KIF3B: variants seen among roughly 807,000 people sequenced by gnomAD.
The protein encoded by KIF3B is kinesin-like protein KIF3B.
A neutral mutation model predicts 74.3 loss-of-function variants in KIF3B; 38 were observed. The observed-to-expected ratio is 0.51, with a 90% CI of 0.39 to 0.67. The LOEUF (loss-of-function observed/expected upper bound fraction) is 0.67, where lower values mean the gene tolerates loss of function less well. Among genes scored for constraint, KIF3B ranks in the 30% least tolerant of loss-of-function variants. KIF3B has a pLI of 0.00. For missense variants in KIF3B, 649 were observed against 932.0 expected (o/e 0.70, Z 3.95); for synonymous variants, 326 against 342.5 (o/e 0.95, Z 0.53).
chr20:32,289,686 T>C (rs2047682487), intron 1 of KIF3B, among the ~76,000 whole-genome samples: 1 of 152,252 alleles, frequency 6.6e-6, no homozygotes, highest in South Asian at 2.1e-4. Flanking sequence ...ATAAAGTTTC[T>C]TTTTAAAATA....
intron 1 of KIF3B, among the ~76,000 whole-genome samples, chr20:32,304,817 G>A (rs931751673): frequency 5.3e-5 from 8 of 151,564 alleles, no homozygotes; most frequent in Non-Finnish European, 1.0e-4. Flanking sequence ...GAGAGAGAGA[G>A]AGAGAGACCT....
intron 1 of KIF3B, among the ~76,000 whole-genome samples, chr20:32,291,647 G>A (rs1228319756): frequency 2.1e-5 from 3 of 142,420 alleles, no homozygotes; most frequent in South Asian, 2.2e-4. Flanking sequence ...ACAGAGTCTC[G>A]CTCTGTCACC....
chr20:32,288,259 T>A (rs1376236787), intron 1 of KIF3B, among the ~76,000 whole-genome samples: 1 of 151,936 alleles, frequency 6.6e-6, no homozygotes, highest in Non-Finnish European at 1.5e-5. Context: ...GAGGCCTAAG[T>A]GGGAAGATTG....
chr20:32,294,242 C>T (rs1315494428), intron 1 of KIF3B, among the ~76,000 whole-genome samples: 1 of 152,122 alleles, frequency 6.6e-6, no homozygotes, highest in Non-Finnish European at 1.5e-5. Context: ...TAAATAAATG[C>T]TTTGTTTGCC....
At chr20:32,285,663 T>C (rs1479489292) in intron 1 of KIF3B, among the ~76,000 whole-genome samples, 1 of 152,118 alleles carries the variant, frequency 6.6e-6, no homozygotes, top group Non-Finnish European at 1.5e-5. Flanking sequence ...CGCATACATA[T>C]ATATATGTAA....
chr20:32,311,248 C>CA, intron 2 of KIF3B, 67 bp downstream of exon 2: 1 of 1,458,118 alleles, frequency 6.9e-7, no homozygotes, highest in Non-Finnish European at 9.1e-7. Context: ...CAAACAACAA[C>CA]AAAAAACATA....
At chr20:32,286,864 A>C (rs550646031) in intron 1 of KIF3B, among the ~76,000 whole-genome samples, 12 of 152,316 alleles carry the variant, frequency 7.9e-5, no homozygotes, top group Admixed American at 6.5e-4. Flanking sequence ...CTTTGTCTGC[A>C]CTGCTGATGA....
chr20:32,304,317 CCTT>C (rs983836745), intron 1 of KIF3B, among the ~76,000 whole-genome samples: 1 of 152,204 alleles, frequency 6.6e-6, no homozygotes, highest in African/African-American at 2.4e-5. Context: ...CACTGCTTCA[CCTT>C]CTCCCACCAT....
chr20:32,319,413 T>C (rs909314071), intron 5 of KIF3B, among the ~76,000 whole-genome samples: 1 of 151,838 alleles, frequency 6.6e-6, no homozygotes, highest in Non-Finnish European at 1.5e-5. Flanking sequence ...ATTGGCCATT[T>C]GTATGTCTTT....
chr20:32,287,872 CTTTTTTTT>C (rs10699896), intron 1 of KIF3B, among the ~76,000 whole-genome samples: 123 of 47,494 alleles, frequency 2.6e-3, no homozygotes, highest in African/African-American at 8.8e-3. Flanking sequence ...CTAAAAGTAT[CTTTTTTTT>C]TTTTTTTTTT....
chr20:32,331,199 T>G (rs1189339921), intron 8 of KIF3B, 24 bp from the exon 9 acceptor site: 15 of 1,528,060 alleles, frequency 9.8e-6, no homozygotes, highest in East Asian at 2.2e-5. Flanking sequence ...ACATGTAATA[T>G]AAACATGTGT....
chr20:32,277,686 T>C lies in KIF3B; in HGVS notation c.-145T>C. On this transcript the variant is annotated 5_prime_UTR_variant, in exon 1 of 9. Transcript: ENST00000375712. ...CCCATCCGGGGCAGCGGGGAATGGC[T>C]GAGCCAGGGGTTCGCCGCCCCCGCC... The C allele has an allele frequency of 4.0e-6, 1 of 252,600 alleles. No homozygotes were observed. The highest frequency in any genetic ancestry group is 7.3e-6 in the Non-Finnish European group (1 of 137,862). 15.6% of individuals were successfully genotyped at this position (252,600 alleles called of 1,614,324 possible). A position where few individuals can be genotyped will look rare whatever the true frequency, so the allele number is the denominator to read the frequency against.
intron 1 of KIF3B, among the ~76,000 whole-genome samples, chr20:32,295,854 CTT>C (rs66566110): frequency 0.041 from 4,537 of 110,840 alleles, 192 homozygotes; most frequent in African/African-American, 0.099. Context: ...TTTTTATTAT[CTT>C]TTTTTTTTTT....
At chr20:32,282,359 T>C (rs2047646977) in intron 1 of KIF3B, among the ~76,000 whole-genome samples, 1 of 152,092 alleles carries the variant, frequency 6.6e-6, no homozygotes, top group Admixed American at 6.6e-5. Context: ...GCCTCTGAAA[T>C]GATGAAAGGA....
At chr20:32,278,003 G>A (rs1330337711) in intron 1 of KIF3B, among the ~76,000 whole-genome samples, 1 of 152,192 alleles carries the variant, frequency 6.6e-6, no homozygotes, top group Non-Finnish European at 1.5e-5. Flanking sequence ...CCACCTGGGG[G>A]CCCTGAGGCG....
In KIF3B at chr20:32,309,785, A is replaced by G. The variant is rs1291348730; in HGVS notation, c.8A>G (p.Lys3Arg). MS[K>R]LKSSESVRVV... is the part of the protein sequence containing the mutation. ...ACTGGATCAGAGTTCATCATGTCAA[A>G]GTTGAAAAGCTCAGAGTCAGTCAGG... Residue 3 changes from lysine to arginine, a missense_variant, in exon 2 of 9, where the codon AAG (lysine) becomes AGG (arginine). Physicochemically the swap from Lys to Arg is conservative, Grantham distance 26. This residue lies in a region of KIF3B where 96 missense variants were observed against 119.0 expected (regional missense o/e 0.81). Coordinates refer to ENST00000375712, the MANE Select transcript of KIF3B (RefSeq NM_004798.4). 1 of 1,611,552 alleles carries G rather than the reference A, an allele frequency of 6.2e-7. No homozygotes were observed. The highest frequency in any genetic ancestry group is 8.5e-7 in the Non-Finnish European group (1 of 1,178,542).
chr20:32,284,057 A>C (rs1322240391), intron 1 of KIF3B, among the ~76,000 whole-genome samples: 1 of 152,016 alleles, frequency 6.6e-6, no homozygotes, highest in Admixed American at 6.6e-5. Context: ...CTGAGACTAC[A>C]GGTGCATGCC....
intron 1 of KIF3B, among the ~76,000 whole-genome samples, chr20:32,300,872 T>G (rs949621880): frequency 3.3e-5 from 5 of 149,788 alleles, no homozygotes; most frequent in African/African-American, 9.9e-5. Context: ...TGTTGTTGTT[T>G]ATTTTTACTT....
chr20:32,284,793 A>G (rs940432331), intron 1 of KIF3B, among the ~76,000 whole-genome samples: 2 of 152,204 alleles, frequency 1.3e-5, no homozygotes, highest in African/African-American at 4.8e-5. Flanking sequence ...ACCAATGATA[A>G]TGACAATGAA....
Sources: gnomAD v4.1 joint callset for allele counts (sites outside exome capture counted in the v4.1 genomes callset) on GRCh38, gnomAD v4.1.1 for gene constraint, gnomAD v4.1.1 regional missense constraint, MANE v1.5 for transcripts, NCBI Gene and HGNC (gene_info 2026-07-23, HGNC 2026-07-21) for gene names.